The following NRG1 variants were observed in gnomAD, a reference collection of about 807,000 sequenced individuals.
The protein encoded by NRG1 is neuregulin 1.
A neutral mutation model predicts 63.8 loss-of-function variants in NRG1; 18 were observed. That is an observed-to-expected ratio of 0.28 (90% CI 0.19 to 0.42). The LOEUF is 0.42. Ranked by LOEUF, NRG1 falls within the 10% of genes least tolerant of loss-of-function variation. NRG1 has a pLI of 1.00. For missense variants in NRG1, 762 were observed against 814.7 expected (o/e 0.94, Z 0.79); for synonymous variants, 302 against 301.3 (o/e 1.00, Z -0.02).
At chr8:32,458,085 T>C (rs978411210) in intron 1 of NRG1, among the ~76,000 whole-genome samples, 9 of 152,094 alleles carry the variant, frequency 5.9e-5, no homozygotes, top group Non-Finnish European at 1.0e-4. Flanking sequence ...GTCCAGCTAA[T>C]TTTTGTATTT....
chr8:31,918,886 T>C (rs1268266574), intron 1 of NRG1, among the ~76,000 whole-genome samples: 1 of 152,182 alleles, frequency 6.6e-6, no homozygotes, highest in Non-Finnish European at 1.5e-5. Flanking sequence ...CAGCTTCTGT[T>C]ATTGGTGTAT....
chr8:32,200,392 A>G (rs539483855), intron 1 of NRG1, among the ~76,000 whole-genome samples: 16 of 152,106 alleles, frequency 1.1e-4, no homozygotes, highest in Non-Finnish European at 2.2e-4. Context: ...TTAAGAGGTC[A>G]TATCTTCTCT....
At position 32,231,826 on chromosome 8, in the gene NRG1, C is replaced by T. The variant is rs184740537; in HGVS notation, c.38-364002C>T. On this transcript the variant is annotated intron_variant, in intron 1 of 10. Transcript: ENST00000519301. ...CTGAGACAGAATTGAATTCGAGAGG[C>T]GGAGGCTGCAGTGAGCCGAGATCAT... is the stretch of plus-strand genomic sequence containing the variant. Among the ~76,000 whole-genome samples, 383 of 149,908 alleles carry T rather than the reference C, an allele frequency of 2.6e-3. 1 individual carries two copies. Among genetic ancestry groups the T allele is most frequent in the African/African-American group, 9.0e-3 (366 of 40,690 alleles).
intron 1 of NRG1, among the ~76,000 whole-genome samples, chr8:32,175,678 T>C (rs1480792009): frequency 6.6e-6 from 1 of 152,144 alleles, no homozygotes; most frequent in Non-Finnish European, 1.5e-5. Flanking sequence ...AGCATTCTTA[T>C]CCACCCATAA....
chr8:31,814,546 C>T (rs980168896), intron 1 of NRG1, among the ~76,000 whole-genome samples: 93 of 152,038 alleles, frequency 6.1e-4, no homozygotes, highest in Non-Finnish European at 4.4e-4. Flanking sequence ...GAATAACTCT[C>T]ATGAAATATT....
intron 1 of NRG1, among the ~76,000 whole-genome samples, chr8:32,268,567 ATG>A (rs144225840): frequency 6.6e-6 from 1 of 151,968 alleles, no homozygotes. Flanking sequence ...TAGCATGTGC[ATG>A]TGTGTGTGTG....
intron 1 of NRG1, among the ~76,000 whole-genome samples, chr8:32,019,289 G>A (rs575130869): frequency 3.9e-5 from 6 of 152,216 alleles, no homozygotes; most frequent in East Asian, 3.9e-4. Context: ...TAGTACAGAC[G>A]GGTTTTCACC....
At chr8:32,623,184 A>T (rs1848641077) in intron 5 of NRG1, among the ~76,000 whole-genome samples, 1 of 152,210 alleles carries the variant, frequency 6.6e-6, no homozygotes, top group Admixed American at 6.5e-5. Flanking sequence ...GAATGGTTTC[A>T]CTTGGGAATA....
chr8:32,075,422 T>G lies in NRG1; in HGVS notation c.37+435991T>G, dbSNP rs867749805. On this transcript the variant is annotated intron_variant, in intron 1 of 10. Transcript: ENST00000519301. ...AACGTTTTTTAGAAAAAGAAGAGAT[T>G]ACTGTGTTGTACAAATATTACTAGA... 1.9e-4 allele frequency among the ~76,000 whole-genome samples: 29 copies of G among 152,290 alleles called. No homozygotes were observed. In the Middle Eastern group the frequency reaches 0.024, roughly 126 times the overall value.
At chr8:31,911,729 G>T (rs2129617526) in intron 1 of NRG1, among the ~76,000 whole-genome samples, 1 of 152,218 alleles carries the variant, frequency 6.6e-6, no homozygotes, top group South Asian at 2.1e-4. Flanking sequence ...ACTTAAAAAA[G>T]AAACTTTTTC....
rs373090376 is a variant in NRG1 at position 32,179,011 on chromosome 8, G to A, written c.38-416817G>A. On this transcript the variant is annotated intron_variant, in intron 1 of 10. Coordinates refer to the NRG1 transcript ENST00000519301. The stretch of plus-strand genomic sequence containing the variant: ...CTCTTTTGACATTTTAAGTAGAGAT[G>A]TACATTTGGTTTCTGCAGATCCATT... Among the ~76,000 whole-genome samples, 603 of 152,026 alleles carry A rather than the reference G, an allele frequency of 4.0e-3. 2 individuals carry two copies. The highest frequency in any genetic ancestry group is 0.014 in the Middle Eastern group (4 of 294).
chr8:32,253,520 C>G (rs892026162), intron 1 of NRG1, among the ~76,000 whole-genome samples: 1 of 152,176 alleles, frequency 6.6e-6, no homozygotes, highest in Non-Finnish European at 1.5e-5. Context: ...TTGAACCAGC[C>G]TTGCATCCCA....
intron 1 of NRG1, among the ~76,000 whole-genome samples, chr8:32,405,698 T>C (rs1813863200): frequency 6.6e-6 from 1 of 152,184 alleles, no homozygotes. Context: ...ACTATTCCTA[T>C]ACAATTTTCA....
intron 3 of NRG1, among the ~76,000 whole-genome samples, chr8:32,612,661 A>G (rs546439445): frequency 6.6e-6 from 1 of 152,134 alleles, no homozygotes; most frequent in Non-Finnish European, 1.5e-5. Context: ...TTTGCTGGAG[A>G]TAGAAAAGTT....
intron 1 of NRG1, chr8:31,639,883 A>AGGAGGG: frequency 1.9e-6 from 2 of 1,080,838 alleles, no homozygotes; most frequent in Non-Finnish European, 2.2e-6. Context: ...GCAAGGGGGG[A>AGGAGGG]GGAGGAGGAG....
intron 10 of NRG1, 65 bp from the exon 11 acceptor site, chr8:32,760,135 T>C: frequency 1.3e-6 from 2 of 1,582,008 alleles, no homozygotes; most frequent in Admixed American, 1.7e-5. Context: ...ATTCCTTTCA[T>C]TTCCATTTTT....
intron 1 of NRG1, among the ~76,000 whole-genome samples, chr8:31,984,777 C>T (rs1809762209): frequency 6.6e-6 from 1 of 152,156 alleles, no homozygotes; most frequent in South Asian, 2.1e-4. Context: ...TCATTAGGCA[C>T]ATTGCCCCTG....
At chr8:32,469,773 G>C (rs574695897) in intron 1 of NRG1, among the ~76,000 whole-genome samples, 2 of 152,312 alleles carry the variant, frequency 1.3e-5, no homozygotes, top group East Asian at 3.9e-4. Context: ...AATCCTAAGA[G>C]AGGATGATAC....
intron 1 of NRG1, among the ~76,000 whole-genome samples, chr8:31,854,079 T>C (rs1269877282): frequency 6.6e-6 from 1 of 151,600 alleles, no homozygotes; most frequent in Non-Finnish European, 1.5e-5. Context: ...TTCTCTTTTT[T>C]TGTTGTGTCT....
Sources: gnomAD v4.1 joint callset for allele counts (sites outside exome capture counted in the v4.1 genomes callset) on GRCh38, gnomAD v4.1.1 for gene constraint, MANE v1.5 for transcripts, NCBI Gene and HGNC (gene_info 2026-07-23, HGNC 2026-07-21) for gene names.